Variants in NAA60 observed in about 807,000 individuals in gnomAD.
NAA60 encodes the protein N-alpha-acetyltransferase 60, NatF catalytic subunit.
A neutral mutation model predicts 26.1 loss-of-function variants in NAA60; 8 were observed. That is an observed-to-expected ratio of 0.31 (90% CI 0.18 to 0.55). The LOEUF is 0.55. Among genes scored for constraint, NAA60 ranks in the 20% least tolerant of loss-of-function variants. NAA60 has a pLI of 0.93. For missense variants in NAA60, 290 were observed against 311.3 expected (o/e 0.93, Z 0.51); for synonymous variants, 131 against 122.5 (o/e 1.07, Z -0.46).
At chr16:3,454,693 G>A (rs535382274) in intron 2 of NAA60, among the ~76,000 whole-genome samples, 4 of 152,304 alleles carry the variant, frequency 2.6e-5, no homozygotes, top group South Asian at 2.1e-4. Flanking sequence ...CCCTGAAGTC[G>A]ATGGTGATCA....
At chr16:3,467,880 A>C (rs1334209327) in intron 2 of NAA60, 1 of 152,266 alleles carries the variant, frequency 6.6e-6, no homozygotes, top group African/African-American at 2.4e-5. Context: ...CGGCACAAAC[A>C]AAGCAAGAAA....
At chr16:3,477,196 G>A (rs1196532872) in intron 3 of NAA60, among the ~76,000 whole-genome samples, 1 of 152,200 alleles carries the variant, frequency 6.6e-6, no homozygotes, top group Non-Finnish European at 1.5e-5. Context: ...AAGGGGGTAT[G>A]TACCATTTAA....
At chr16:3,449,681 T>C (rs1297968858) in intron 2 of NAA60, among the ~76,000 whole-genome samples, 1 of 152,094 alleles carries the variant, frequency 6.6e-6, no homozygotes, top group East Asian at 1.9e-4. Flanking sequence ...CGAGACCCCA[T>C]CTGATATGGT....
intron 2 of NAA60, among the ~76,000 whole-genome samples, chr16:3,458,681 G>T (rs1327947653): frequency 6.6e-6 from 1 of 152,144 alleles, no homozygotes; most frequent in Non-Finnish European, 1.5e-5. Context: ...GCCCTCCTCT[G>T]AACTCCTGAA....
chr16:3,470,389 C>T (rs771623813), intron 2 of NAA60, among the ~76,000 whole-genome samples: 6 of 152,188 alleles, frequency 3.9e-5, no homozygotes, highest in Admixed American at 6.5e-5. Flanking sequence ...CCCGTCACAG[C>T]GGCTGGGTGA....
At chr16:3,457,912 C>A in intron 2 of NAA60, 1 of 399,916 alleles carries the variant, frequency 2.5e-6, no homozygotes, top group Non-Finnish European at 2.8e-6. Flanking sequence ...AGCCTGCCCG[C>A]TCCCAACCTG....
intron 2 of NAA60, among the ~76,000 whole-genome samples, chr16:3,474,381 G>A (rs547575406): frequency 2.6e-5 from 4 of 152,222 alleles, no homozygotes; most frequent in Non-Finnish European, 5.9e-5. Context: ...GACCCCATCA[G>A]CTCGTTCCAG....
intron 1 of NAA60, among the ~76,000 whole-genome samples, chr16:3,448,075 C>T (rs527729428): frequency 1.3e-5 from 2 of 152,076 alleles, no homozygotes; most frequent in East Asian, 3.9e-4. Flanking sequence ...GTAAGAGGTA[C>T]AGAGAATGCA....
chr16:3,469,514 C>CCTGTTATCAGCACTCTTGTCCCTGT (rs1259381146), intron 2 of NAA60, among the ~76,000 whole-genome samples: 1 of 127,046 alleles, frequency 7.9e-6, no homozygotes. Flanking sequence ...CTTGCTGCTC[C>CCTGTTATCAGCACTCTTGTCCCTGT]GCACAGCACT....
chr16:3,451,591 G>C (rs1346821410), intron 2 of NAA60, among the ~76,000 whole-genome samples: 2 of 152,160 alleles, frequency 1.3e-5, no homozygotes, highest in African/African-American at 4.8e-5. Context: ...TTAAAACAAT[G>C]AGACCTTTTT....
intron 2 of NAA60, chr16:3,462,736 C>T (rs537831304): frequency 1.3e-5 from 2 of 152,208 alleles, no homozygotes; most frequent in African/African-American, 2.4e-5. Flanking sequence ...GCACAAGAAA[C>T]CACTAATAGT....
intron 3 of NAA60, 50 bp downstream of exon 3, chr16:3,476,387 C>A: frequency 6.6e-7 from 1 of 1,510,034 alleles, no homozygotes; most frequent in East Asian, 2.3e-5. Context: ...GCCTCAGGTG[C>A]AGAAGCTGGG....
chr16:3,447,390 C>G, intron 1 of NAA60: 1 of 832,852 alleles, frequency 1.2e-6, no homozygotes, highest in South Asian at 5.5e-5. Context: ...TGTGTAATCA[C>G]TTCAAGGTAA....
At position 3,486,396 on chromosome 16, in the gene NAA60, C is replaced by G. The variant is rs1208874148; in HGVS notation, c.*1136C>G. On this transcript the variant is annotated 3_prime_UTR_variant, in exon 8 of 8. Coordinates refer to ENST00000407558, the MANE Select transcript of NAA60 (RefSeq NM_001083601.3). ...AGGGTCCTAGCGGCGCCACCCTGCC[C>G]CAGCCTGAGGAGGAGGGAGAGGGAG... 2.0e-5 allele frequency: 3 copies of G among 152,994 alleles called. No homozygotes were observed. Among genetic ancestry groups the G allele is most frequent in the Non-Finnish European group, 4.4e-5 (3 of 68,632 alleles). The allele number at this position is 152,994 out of a possible 1,614,324, so 9.5% of individuals were successfully genotyped here. A position where few individuals can be genotyped will look rare whatever the true frequency, so the allele number is the denominator to read the frequency against.
At chr16:3,483,679 T>TC (rs1220803865) in intron 6 of NAA60, 82 bp downstream of exon 6, 11 of 1,088,340 alleles carry the variant, frequency 1.0e-5, no homozygotes, top group Non-Finnish European at 1.5e-5. Context: ...GGAGCTGTGG[T>TC]CCCCCTCAGA....
chr16:3,454,165 G>C (rs2034888481), intron 2 of NAA60, among the ~76,000 whole-genome samples: 1 of 151,994 alleles, frequency 6.6e-6, no homozygotes, highest in African/African-American at 2.4e-5. Context: ...TGCTCTACCT[G>C]GGCCAGAGAA....
intron 2 of NAA60, chr16:3,457,971 T>A (rs1339012878): frequency 1.0e-6 from 1 of 984,448 alleles, no homozygotes; most frequent in Non-Finnish European, 1.2e-6. Context: ...CGGGGCCACG[T>A]GGGGGCGGCG....
intron 1 of NAA60, among the ~76,000 whole-genome samples, chr16:3,444,611 G>A (rs1205553368): frequency 1.3e-5 from 2 of 152,136 alleles, no homozygotes; most frequent in Non-Finnish European, 2.9e-5. Flanking sequence ...CTTAGGTAAT[G>A]TGATTTTGTG....
intron 3 of NAA60, among the ~76,000 whole-genome samples, chr16:3,478,355 A>C (rs1014041720): frequency 6.6e-6 from 1 of 152,240 alleles, no homozygotes; most frequent in African/African-American, 2.4e-5. Flanking sequence ...CCTGAGAGCC[A>C]GTGGAGCCAC....
Sources: gnomAD v4.1 joint callset for allele counts (sites outside exome capture counted in the v4.1 genomes callset) on GRCh38, gnomAD v4.1.1 for gene constraint, MANE v1.5 for transcripts, NCBI Gene and HGNC (gene_info 2026-07-23, HGNC 2026-07-21) for gene names.